S1PR5: variants seen among roughly 807,000 people sequenced by gnomAD.
The protein encoded by S1PR5 is sphingosine 1-phosphate receptor 5.
For missense variants in S1PR5, 583 were observed against 571.7 expected (o/e 1.02, Z -0.20); for synonymous variants, 307 against 284.7 (o/e 1.08, Z -0.79).
At position 10,514,305 on chromosome 19, in the gene S1PR5, G is replaced by T. The variant is rs751165374; in HGVS notation, c.707C>A (p.Thr236Asn). The part of the protein sequence containing the change: ...LPARPGTAGT[T>N]STRARRKPRS... ...CGGCTTGCGACGCGCCCGGGTCGAG[G>T]TGGTCCCCGCAGTCCCGGGCCGTGC... Residue 236 changes from threonine to asparagine, a missense_variant, in exon 2 of 2, where the codon ACC becomes AAC. Thr to Asn is a moderately conservative substitution (Grantham distance 65, BLOSUM62 0). Coordinates refer to ENST00000333430, the MANE Select transcript of S1PR5 (RefSeq NM_030760.5). 2.6e-6 allele frequency: 4 copies of T among 1,567,286 alleles called. No homozygotes were observed. The highest frequency in any genetic ancestry group is 4.7e-5 in the East Asian group (2 of 42,342).
chr19:10,514,508 C>A lies in S1PR5; in HGVS notation c.504G>T (p.Leu168=). 1 of 1,599,004 alleles carries A rather than the reference C, an allele frequency of 6.3e-7. No homozygotes were observed. The highest frequency in any genetic ancestry group is 8.5e-7 in the Non-Finnish European group (1 of 1,173,824). The change falls in exon 2 of 2, where the codon CTG becomes CTT. Residue 168 remains leucine, a synonymous_variant. Coordinates refer to ENST00000333430, the MANE Select transcript of S1PR5 (RefSeq NM_030760.5). ...AWGVSLLLGL[L]PALGWNCLGR... is the part of the protein sequence containing the mutation. ...CCAGGCAATTCCAGCCCAGCGCTGG[C>A]AGGAGCCCGAGGAGCAGCGACACGC...
rs143370233 is a variant in S1PR5, at chr19:10,514,910, G to C, written c.102C>G (p.Ala34=). 2 of 1,610,750 alleles carry C rather than the reference G, an allele frequency of 1.2e-6. No homozygotes were observed. Among genetic ancestry groups the C allele is most frequent in the East Asian group, 2.2e-5 (1 of 44,818 alleles). ...ACACCACGGCGTCGGCGCGCAGGCC[G>C]GCACCCGGCTGGTAGCGCGCACCGC... The part of the protein sequence containing the change: ...KLRGARYQPG[A]GLRADAVVCL... Residue 34 remains alanine, a synonymous_variant, in exon 2 of 2, where the codon GCC becomes GCG. Coordinates refer to ENST00000333430, the MANE Select transcript of S1PR5 (RefSeq NM_030760.5).
chr19:10,513,704 AT>A lies in S1PR5; in HGVS notation c.*110del, dbSNP rs1915341608. 2.8e-6 allele frequency: 4 copies of A among 1,450,502 alleles called. No homozygotes were observed. The African/African-American group carries it at 5.8e-5, about 21-fold the overall frequency. 89.9% of individuals were successfully genotyped at this position (1,450,502 alleles called of 1,614,324 possible). On this transcript the variant is annotated 3_prime_UTR_variant, in exon 2 of 2. Coordinates refer to ENST00000333430, the MANE Select transcript of S1PR5 (RefSeq NM_030760.5). ...TTGTGGGGTGTCGCTGCATAAATAC[AT>A]TTCCCCTGCATCTTTTCCGACTGCA...
rs754885772 is a variant in S1PR5, at chr19:10,513,903, C to T, written c.1109G>A (p.Arg370His). ...FSGSERSSPQRDGLDTSGSTG... is the reference protein window; with the variant it reads ...FSGSERSSPQHDGLDTSGSTG... ...GGAGCCGCTGGTGTCCAGCCCGTCGCGCTGGGGCGATGAGCGCTCCGAGCC... is the reference window on the plus strand; with the variant it reads ...GGAGCCGCTGGTGTCCAGCCCGTCGTGCTGGGGCGATGAGCGCTCCGAGCC... The change falls in exon 2 of 2, where the codon CGC becomes CAC. Residue 370 changes from arginine to histidine, a missense_variant. By Grantham distance (29) the Arg-to-His change is conservative. Transcript: ENST00000333430. The T allele has an allele frequency of 1.2e-6, 2 of 1,609,634 alleles. No individual in the cohort carries two copies. The highest frequency in any genetic ancestry group is 1.3e-5 in the African/African-American group (1 of 74,900).
intron 1 of S1PR5, among the ~76,000 whole-genome samples, chr19:10,515,799 T>C (rs1013130240): frequency 6.6e-6 from 1 of 152,000 alleles, no homozygotes; most frequent in African/African-American, 2.4e-5. Context: ...TGTATGCCTA[T>C]AGTCCAAGCT....
Position 10,514,923 on chromosome 19 carries a change from T to G in S1PR5, c.89A>C (p.Tyr30Ser). ...NYTGKLRGAR[Y>S]QPGAGLRADA... ...GGCGCGCAGGCCGGCACCCGGCTGG[T>G]AGCGCGCACCGCGGAGCTTGCCGGT... The change falls in exon 2 of 2, where the codon TAC (tyrosine) becomes TCC (serine). Residue 30 changes from tyrosine to serine, a missense_variant. Transcript: ENST00000333430. 1 of 1,609,732 alleles carries G rather than the reference T, an allele frequency of 6.2e-7. No individual in the cohort carries two copies. Among genetic ancestry groups the G allele is most frequent in the South Asian group, 1.1e-5 (1 of 90,902 alleles).
At chr19:10,516,533 G>C (rs1259842290) in intron 1 of S1PR5, among the ~76,000 whole-genome samples, 1 of 151,124 alleles carries the variant, frequency 6.6e-6, no homozygotes, top group Non-Finnish European at 1.5e-5. Flanking sequence ...CTTGAGCCTG[G>C]GAGGCCGAGG....
intron 1 of S1PR5, among the ~76,000 whole-genome samples, chr19:10,515,782 G>T (rs189572214): frequency 5.9e-5 from 9 of 152,136 alleles, no homozygotes; most frequent in African/African-American, 1.9e-4. Context: ...TAGCCGGGAC[G>T]TGTTGGTGTA....
At chr19:10,515,570 A>G (rs943209910) in intron 1 of S1PR5, among the ~76,000 whole-genome samples, 1 of 152,086 alleles carries the variant, frequency 6.6e-6, no homozygotes, top group Non-Finnish European at 1.5e-5. Flanking sequence ...CCGAGATCGC[A>G]TCACTGCACT....
chr19:10,514,051 C>G lies in S1PR5; in HGVS notation c.961G>C (p.Val321Leu). 1.9e-6 allele frequency: 3 copies of G among 1,612,108 alleles called. No homozygotes were observed. The highest frequency in any genetic ancestry group is 2.5e-6 in the Non-Finnish European group (3 of 1,179,678). The change falls in exon 2 of 2, where the codon GTC (valine) becomes CTC (leucine). Residue 321 changes from valine (V) to leucine (L), a missense_variant. Val to Leu is a conservative substitution (Grantham distance 32, BLOSUM62 1). Transcript: ENST00000333430. Reference sequence around the variant, plus strand: ...CCGCAGGAGTGGCGTCCGCAGCAGACCAGGCGCAGGAGCGCGTGGCGCAGG... The same window carrying G: ...CCGCAGGAGTGGCGTCCGCAGCAGAGCAGGCGCAGGAGCGCGTGGCGCAGG... ...RDLRHALLRL[V>L]CCGRHSCGRD...
At chr19:10,515,289 A>G (rs116947105) in intron 1 of S1PR5, among the ~76,000 whole-genome samples, 2 of 151,982 alleles carry the variant, frequency 1.3e-5, no homozygotes, top group South Asian at 2.1e-4. Context: ...TGGTTCACAC[A>G]TGGCTGGGCG....
At chr19:10,517,701 C>T (rs1043413125), upstream of S1PR5, 106 of 985,652 alleles carry the variant, frequency 1.1e-4, no homozygotes, top group Non-Finnish European at 7.5e-5. Context: ...TGGGAGGACT[C>T]GGAGAGGCGG....
In S1PR5 at chr19:10,513,143, A is replaced by G. The variant is rs1438219862; in HGVS notation, c.*672T>C. 6.6e-6 allele frequency: 1 copy of G among 152,376 alleles called. No individual in the cohort carries two copies. Among genetic ancestry groups the G allele is most frequent in the Non-Finnish European group, 1.5e-5 (1 of 68,694 alleles). 9.4% of individuals were successfully genotyped at this position (152,376 alleles called of 1,614,324 possible). ...TCTGGGCTTAGCTGGAATCTCCATCATTGTTCCTGTGGCTCAGTGCAGCCC... is the reference window on the plus strand; with the variant it reads ...TCTGGGCTTAGCTGGAATCTCCATCGTTGTTCCTGTGGCTCAGTGCAGCCC... On this transcript the variant is annotated 3_prime_UTR_variant, in exon 2 of 2. Transcript: ENST00000333430.
chr19:10,513,546 C>G lies in S1PR5; in HGVS notation c.*269G>C. The G allele has an allele frequency of 1.7e-6, 1 of 585,594 alleles. No homozygotes were observed. The highest frequency in any genetic ancestry group is 3.0e-6 in the Non-Finnish European group (1 of 336,240). The allele number at this position is 585,594 out of a possible 1,614,324, so 36.3% of individuals were successfully genotyped here. ...TCACTACCTCTGCAGAGAGGTCTTC[C>G]CTGACCACCATCACCATCTCTGTCG... On this transcript the variant is annotated 3_prime_UTR_variant, in exon 2 of 2. Transcript: ENST00000333430.
Position 10,514,852 on chromosome 19 carries a change from T to G in S1PR5, c.160A>C (p.Asn54His). 1 of 1,612,770 alleles carries G rather than the reference T, an allele frequency of 6.2e-7. No individual in the cohort carries two copies. Among genetic ancestry groups the G allele is most frequent in the Non-Finnish European group, 8.5e-7 (1 of 1,179,582 alleles). The change falls in exon 2 of 2, where the codon AAT (asparagine) becomes CAT (histidine). Residue 54 changes from asparagine (N) to histidine (H), a missense_variant. Asn to His is a moderately conservative substitution (Grantham distance 68). Transcript: ENST00000333430. ...CCGAGCACCAACAACACGGCTAGAT[T>G]CTCTAGCACGATGAAGGCGCACACC... Reference protein sequence around the residue: ...LAVCAFIVLENLAVLLVLGRH... With the variant: ...LAVCAFIVLEHLAVLLVLGRH...
At chr19:10,516,086 TA>T (rs1915431292) in intron 1 of S1PR5, among the ~76,000 whole-genome samples, 1 of 151,788 alleles carries the variant, frequency 6.6e-6, no homozygotes, top group Admixed American at 6.6e-5. Flanking sequence ...TCAGGGAAAC[TA>T]AAAAATACAT....
chr19:10,515,599 C>G (rs145397163), intron 1 of S1PR5, among the ~76,000 whole-genome samples: 113 of 151,744 alleles, frequency 7.4e-4, no homozygotes, highest in Non-Finnish European at 1.1e-3. Flanking sequence ...GGTGGCAGAG[C>G]GAGACTCTGT....
At chr19:10,517,138 A>G (rs12975591) in intron 1 of S1PR5, 34,574 of 154,690 alleles carry the variant, frequency 0.22, 4,204 homozygotes, top group East Asian at 0.45. Flanking sequence ...CGGCAGCAGG[A>G]CTGAAGTATG....
chr19:10,515,660 G>C (rs1915422416), intron 1 of S1PR5, among the ~76,000 whole-genome samples: 1 of 152,052 alleles, frequency 6.6e-6, no homozygotes, highest in African/African-American at 2.4e-5. Flanking sequence ...GGGTGTGGTG[G>C]CTCACTCCTG....
Sources: allele counts gnomAD v4.1 joint callset (sites outside exome capture counted in the v4.1 genomes callset), GRCh38; gene constraint gnomAD v4.1.1; transcripts MANE v1.5; gene names NCBI Gene and HGNC (gene_info 2026-07-23, HGNC 2026-07-21).